CDH4: variants seen among roughly 807,000 people sequenced by gnomAD.
CDH4 encodes the protein cadherin 4, also known as cadherin-4.
A neutral mutation model predicts 86.0 loss-of-function variants in CDH4; 33 were observed. The ratio of observed to expected loss-of-function variants is 0.38; its 90% CI spans 0.29 to 0.51. CDH4 has a LOEUF of 0.51. CDH4 is among the 20% of genes least tolerant of loss of function. CDH4 has a pLI of 0.86. For synonymous variants in CDH4, 555 were observed against 549.4 expected (o/e 1.01, Z -0.14); for missense variants, 1,114 against 1,307.4 (o/e 0.85, Z 2.28).
At chr20:61,499,919 G>A (rs768826812) in intron 2 of CDH4, among the ~76,000 whole-genome samples, 1 of 152,178 alleles carries the variant, frequency 6.6e-6, no homozygotes, top group Non-Finnish European at 1.5e-5. Flanking sequence ...AGGGGTGGTT[G>A]GAAGGGTCAG....
chr20:61,291,150 C>T (rs1040992404), intron 2 of CDH4, among the ~76,000 whole-genome samples: 3 of 152,212 alleles, frequency 2.0e-5, no homozygotes, highest in African/African-American at 7.2e-5. Flanking sequence ...GTCATCCTCC[C>T]CCAAGTCCTG....
intron 2 of CDH4, among the ~76,000 whole-genome samples, chr20:61,727,580 C>A (rs2088131316): frequency 6.6e-6 from 1 of 152,180 alleles, no homozygotes; most frequent in South Asian, 2.1e-4. Context: ...GTTCTGCAGG[C>A]TACACAGGAA....
In CDH4 at chr20:61,483,255, C is replaced by A. The variant is rs534445088; in HGVS notation, c.169+228318C>A. Among the ~76,000 whole-genome samples, 4 of 152,240 alleles carry A rather than the reference C, an allele frequency of 2.6e-5. No individual in the cohort carries two copies. In the East Asian group the frequency reaches 5.8e-4, roughly 22 times the overall value. On this transcript the variant is annotated intron_variant, in intron 2 of 15. Transcript: ENST00000614565. The stretch of plus-strand genomic sequence containing the variant: ...GGTTTAGCACCTGGATCCAGCTGGA[C>A]CTGAAAGAGGAGAATCCCAGACATA...
chr20:61,749,049 C>T (rs1466720871), intron 3 of CDH4, among the ~76,000 whole-genome samples: 2 of 149,420 alleles, frequency 1.3e-5, no homozygotes, highest in Admixed American at 6.7e-5. Context: ...AAATAAATAC[C>T]ATGCAAGTAC....
intron 2 of CDH4, among the ~76,000 whole-genome samples, chr20:61,630,483 G>A (rs2086875942): frequency 6.6e-6 from 1 of 152,152 alleles, no homozygotes; most frequent in African/African-American, 2.4e-5. Context: ...GCAGGGCCTT[G>A]GTTTGGGGCT....
In CDH4 at chr20:61,855,314, C is replaced by T. The variant is rs146512973; in HGVS notation, c.877+2416C>T. Among the ~76,000 whole-genome samples the T allele has an allele frequency of 2.4e-4, 36 of 152,308 alleles. No homozygotes were observed. In the East Asian group the frequency reaches 3.3e-3, roughly 14 times the overall value. ...GGTTGTCTTTCAGGATTATGACACA[C>T]GGGTGCATCCAGTGTCACTGAAGGG... On this transcript the variant is annotated intron_variant, in intron 6 of 15. Coordinates refer to ENST00000614565, the MANE Select transcript of CDH4 (RefSeq NM_001794.5).
At chr20:61,911,200 G>A (rs972250915) in intron 9 of CDH4, among the ~76,000 whole-genome samples, 13 of 152,272 alleles carry the variant, frequency 8.5e-5, no homozygotes, top group Non-Finnish European at 1.5e-4. Flanking sequence ...CTTTTTGGTC[G>A]TGCTTCTTTT....
At chr20:61,327,567 A>G (rs2084543336) in intron 2 of CDH4, among the ~76,000 whole-genome samples, 1 of 152,202 alleles carries the variant, frequency 6.6e-6, no homozygotes, top group African/African-American at 2.4e-5. Context: ...GACCTGTCAG[A>G]TTGGCGAAGA....
intron 4 of CDH4, among the ~76,000 whole-genome samples, chr20:61,833,389 G>A (rs1981715572): frequency 6.6e-6 from 1 of 152,036 alleles, no homozygotes; most frequent in African/African-American, 2.4e-5. Flanking sequence ...CACTTTCTGT[G>A]TGTCTACTAG....
chr20:61,614,200 G>C (rs1434259071), intron 2 of CDH4, among the ~76,000 whole-genome samples: 10 of 152,064 alleles, frequency 6.6e-5, no homozygotes, highest in Admixed American at 6.5e-4. Flanking sequence ...CTCAGACAGG[G>C]CTGGTCACCA....
At chr20:61,633,405 C>T (rs1369543380) in intron 2 of CDH4, among the ~76,000 whole-genome samples, 2 of 152,078 alleles carry the variant, frequency 1.3e-5, no homozygotes, top group African/African-American at 2.4e-5. Flanking sequence ...ATCCACCCAC[C>T]CACTCATGCA....
Position 61,798,915 on chromosome 20 carries a change from C to T in CDH4, c.576+25733C>T, listed in dbSNP as rs576218592. ...CAGTGAGGATTAGTCCCCACCGACC[C>T]GATGACCCGGGCTCCTTTCGCGACA... On this transcript the variant is annotated intron_variant, in intron 4 of 15. Coordinates refer to ENST00000614565, the MANE Select transcript of CDH4 (RefSeq NM_001794.5). Among the ~76,000 whole-genome samples, 10 of 152,308 alleles carry T rather than the reference C, an allele frequency of 6.6e-5. 1 individual carries two copies. Among genetic ancestry groups the T allele is most frequent in the African/African-American group, 1.4e-4 (6 of 41,566 alleles).
At chr20:61,870,649 A>G (rs1983765029) in intron 6 of CDH4, among the ~76,000 whole-genome samples, 1 of 152,194 alleles carries the variant, frequency 6.6e-6, no homozygotes, top group Non-Finnish European at 1.5e-5. Context: ...GGAGGGGAAC[A>G]GTGAGTGCTT....
rs184462293 is a variant in CDH4, at chr20:61,744,839, G to A, written c.396+1050G>A. The stretch of plus-strand genomic sequence containing the variant: ...AGCTGTTAGGTTCCCCGTGCCTGAC[G>A]GGGAAGTGGCCAGGTCCCCTTCGCC... On this transcript the variant is annotated intron_variant, in intron 3 of 15. Transcript: ENST00000614565. Among the ~76,000 whole-genome samples, 863 of 152,310 alleles carry A rather than the reference G, an allele frequency of 5.7e-3. 4 individuals are homozygous for A. The highest frequency in any genetic ancestry group is 9.0e-3 in the Non-Finnish European group (609 of 68,026).
At chr20:61,534,661 C>CTTTTTTT (rs2085981647) in intron 2 of CDH4, among the ~76,000 whole-genome samples, 1 of 89,304 alleles carries the variant, frequency 1.1e-5, no homozygotes, top group African/African-American at 7.6e-5. Flanking sequence ...TTCTTTCTTT[C>CTTTTTTT]TTTCTTTTTT....
intron 4 of CDH4, among the ~76,000 whole-genome samples, chr20:61,834,054 A>G (rs760423324): frequency 3.9e-5 from 6 of 152,278 alleles, no homozygotes; most frequent in Admixed American, 3.9e-4. Flanking sequence ...TCATTGGTCC[A>G]CGTGGGGTCC....
intron 2 of CDH4, among the ~76,000 whole-genome samples, chr20:61,280,598 T>A (rs567211058): frequency 6.6e-6 from 1 of 152,210 alleles, no homozygotes; most frequent in Non-Finnish European, 1.5e-5. Context: ...TGTTTATTTA[T>A]AAGCACAAGG....
At chr20:61,354,999 A>G (rs975269429) in intron 2 of CDH4, among the ~76,000 whole-genome samples, 7 of 152,112 alleles carry the variant, frequency 4.6e-5, no homozygotes, top group African/African-American at 1.7e-4. Context: ...TCCCATAAAG[A>G]AAAGCAAAGC....
intron 2 of CDH4, among the ~76,000 whole-genome samples, chr20:61,678,109 TGATACATTAGAA>T (rs1391484174): frequency 6.6e-6 from 1 of 151,888 alleles, no homozygotes; most frequent in Non-Finnish European, 1.5e-5. Context: ...GGATGATAGA[TGATACATTAGAA>T]GACGGATGGA....
Sources: gnomAD v4.1 joint callset for allele counts (sites outside exome capture counted in the v4.1 genomes callset) on GRCh38, gnomAD v4.1.1 for gene constraint, MANE v1.5 for transcripts, NCBI Gene and HGNC (gene_info 2026-07-23, HGNC 2026-07-21) for gene names.